Variants in VTA1 observed in about 807,000 individuals in gnomAD.
VTA1 encodes the protein vacuolar protein sorting-associated protein VTA1 homolog.
In VTA1, 24 loss-of-function variants were observed where a neutral mutation model predicts 36.9. The ratio of observed to expected loss-of-function variants is 0.65; its 90% CI spans 0.47 to 0.91. The LOEUF is 0.91. Among genes scored for constraint, VTA1 ranks in the 40% least tolerant of loss-of-function variants. The pLI is 0.00. For synonymous variants in VTA1, 142 were observed against 130.2 expected (o/e 1.09, Z -0.62); for missense variants, 393 against 377.2 (o/e 1.04, Z -0.35).
At chr6:142,191,687 T>G (rs1775459120) in intron 5 of VTA1, among the ~76,000 whole-genome samples, 1 of 152,086 alleles carries the variant, frequency 6.6e-6, no homozygotes, top group Admixed American at 6.5e-5. Context: ...CTGCATACTT[T>G]TTCAACTCAT....
chr6:142,212,850 A>G (rs1256662130), intron 7 of VTA1, among the ~76,000 whole-genome samples: 2 of 152,140 alleles, frequency 1.3e-5, no homozygotes, highest in African/African-American at 2.4e-5. Flanking sequence ...AACAAGGGGC[A>G]CATCAGCCCC....
chr6:142,192,395 G>T (rs1290212063), intron 5 of VTA1, among the ~76,000 whole-genome samples: 1 of 151,990 alleles, frequency 6.6e-6, no homozygotes, highest in Non-Finnish European at 1.5e-5. Flanking sequence ...CTTACAGTGG[G>T]TTTTTTGGGA....
intron 4 of VTA1, among the ~76,000 whole-genome samples, chr6:142,188,470 C>T (rs1775389469): frequency 6.6e-6 from 1 of 151,994 alleles, no homozygotes; most frequent in South Asian, 2.1e-4. Context: ...GCCTCAGCCT[C>T]CCAAAGTGGT....
chr6:142,187,086 G>C (rs545193591), intron 4 of VTA1, among the ~76,000 whole-genome samples: 1 of 152,162 alleles, frequency 6.6e-6, no homozygotes, highest in Non-Finnish European at 1.5e-5. Context: ...TGGCTTTTAT[G>C]TAACTTTTCC....
At chr6:142,153,085 T>C (rs1778597797) in intron 1 of VTA1, among the ~76,000 whole-genome samples, 1 of 152,140 alleles carries the variant, frequency 6.6e-6, no homozygotes, top group Non-Finnish European at 1.5e-5. Context: ...TCTTTCAATC[T>C]TGATTCTCCT....
chr6:142,204,291 A>G (rs73574240), intron 7 of VTA1, among the ~76,000 whole-genome samples: 130 of 152,258 alleles, frequency 8.5e-4, no homozygotes, highest in African/African-American at 2.8e-3. Context: ...CCCTTTTGTT[A>G]CAGTTCTTTT....
chr6:142,176,789 C>T (rs1474965212), intron 4 of VTA1, among the ~76,000 whole-genome samples: 1 of 152,150 alleles, frequency 6.6e-6, no homozygotes, highest in Non-Finnish European at 1.5e-5. Context: ...AACTCGTAAG[C>T]AGTTTTGCAG....
intron 7 of VTA1, among the ~76,000 whole-genome samples, chr6:142,217,056 A>C (rs747244809): frequency 3.9e-5 from 6 of 152,178 alleles, no homozygotes; most frequent in African/African-American, 1.2e-4. Flanking sequence ...TACCTGACTA[A>C]ATTGTCAACA....
chr6:142,203,860 A>G, intron 6 of VTA1, 125 bp from the exon 7 acceptor site: 1 of 714,740 alleles, frequency 1.4e-6, no homozygotes, highest in Non-Finnish European at 2.4e-6. Flanking sequence ...TCAAGTTAGA[A>G]TCCATTGATG....
intron 2 of VTA1, among the ~76,000 whole-genome samples, chr6:142,167,591 AT>A (rs1774944145): frequency 6.6e-6 from 1 of 152,226 alleles, no homozygotes; most frequent in Non-Finnish European, 1.5e-5. Context: ...AACAAGACTT[AT>A]GCGAAGACAG....
intron 4 of VTA1, among the ~76,000 whole-genome samples, chr6:142,175,415 C>T (rs777880312): frequency 6.6e-5 from 10 of 151,880 alleles, no homozygotes; most frequent in Non-Finnish European, 1.2e-4. Context: ...TGTTTTTAGC[C>T]GGCTTTGCCT....
In VTA1 at chr6:142,166,242, A is replaced by G. The variant is rs752875745; in HGVS notation, c.127A>G (p.Met43Val). 9.9e-6 allele frequency: 16 copies of G among 1,610,654 alleles called. No homozygotes were observed. Among genetic ancestry groups the G allele is most frequent in the African/African-American group, 2.7e-5 (2 of 74,874 alleles). ...VVAYYCRLYA[M>V]QTGMKIDSKT... ...TTTCTTTCTAGGTCGTTTATACGCA[A>G]TGCAGACTGGAATGAAGATCGATAG... is the stretch of plus-strand genomic sequence containing the variant. Residue 43 changes from methionine to valine, a missense_variant, in exon 2 of 8, where the codon ATG (methionine) becomes GTG (valine). By Grantham distance (21) the Met-to-Val change is conservative (BLOSUM62 1). Transcript: ENST00000367630.
rs200237982 is a variant in VTA1 at position 142,198,577 on chromosome 6, C to G, written c.659C>G (p.Ala220Gly). ...ATACAGATTCCTCCGGGTGCACACG[C>G]TCCAGCTAATACACCAGCAGAAGTG... ...TGIQIPPGAH[A>G]PANTPAEVPH... The change falls in exon 6 of 8, where the codon GCT becomes GGT. Residue 220 changes from alanine (A) to glycine (G), a missense_variant. Physicochemically the swap from Ala to Gly is moderately conservative, Grantham distance 60. Coordinates refer to ENST00000367630, the MANE Select transcript of VTA1 (RefSeq NM_016485.5). 1.9e-6 allele frequency: 3 copies of G among 1,613,496 alleles called. No homozygotes were observed. In the East Asian group the frequency reaches 6.7e-5, roughly 36 times the overall value.
intron 5 of VTA1, among the ~76,000 whole-genome samples, chr6:142,197,899 C>T (rs1418465757): frequency 3.3e-5 from 5 of 150,904 alleles, no homozygotes; most frequent in Non-Finnish European, 5.9e-5. Context: ...ACGGTGAAAC[C>T]CCGTCTCTAC....
chr6:142,189,685 A>C (rs1477918371), intron 5 of VTA1, 151 bp downstream of exon 5: 6 of 587,134 alleles, frequency 1.0e-5, no homozygotes, highest in Non-Finnish European at 1.7e-5. Flanking sequence ...ACTTAGGGAC[A>C]GTGAGAAATA....
At chr6:142,213,015 C>T (rs1346428271) in intron 7 of VTA1, among the ~76,000 whole-genome samples, 2 of 152,158 alleles carry the variant, frequency 1.3e-5, no homozygotes, top group Non-Finnish European at 2.9e-5. Context: ...CTCAATAGTC[C>T]ACCAGTCTTA....
rs1775378872 is a variant in VTA1 at position 142,188,074 on chromosome 6, A to T, written c.412-1352A>T. On this transcript the variant is annotated intron_variant, in intron 4 of 7. Transcript: ENST00000367630. ...AGGTGTGTGCCACCATGCCCGGCTAATTTTTTGTGTTTTTCATAGAGACGG... is the reference window on the plus strand; with the variant it reads ...AGGTGTGTGCCACCATGCCCGGCTATTTTTTTGTGTTTTTCATAGAGACGG... 4.0e-5 allele frequency among the ~76,000 whole-genome samples: 6 copies of T among 150,670 alleles called. No homozygotes were observed. The South Asian group carries it at 1.3e-3, about 32-fold the overall frequency.
rs767263779 is a variant in VTA1, at chr6:142,147,311, C to T, written c.24C>T (p.Pro8=). MAALAPL[P]PLPAQFKSIQ... ...AGATGGCCGCGCTTGCACCGCTGCC[C>T]CCGCTCCCCGCACAGTTCAAGAGCA... is the stretch of plus-strand genomic sequence containing the variant. The change falls in exon 1 of 8, where the codon CCC becomes CCT. Residue 8 remains proline, a synonymous_variant. Transcript: ENST00000367630. The T allele has an allele frequency of 1.1e-5, 17 of 1,614,168 alleles. No individual in the cohort carries two copies. The highest frequency in any genetic ancestry group is 5.0e-5 in the Admixed American group (3 of 60,034).
In VTA1 at chr6:142,224,080, G is replaced by A. The variant is rs570853436; in HGVS notation, c.*5437G>A. ...TCTGTGTTCAGAGGCAGGTCCCATA[G>A]GGAGGCAATTAAGGTTACATGAGAT... On this transcript the variant is annotated 3_prime_UTR_variant, in exon 8 of 8. Coordinates refer to ENST00000367630, the MANE Select transcript of VTA1 (RefSeq NM_016485.5). 2.6e-5 allele frequency: 4 copies of A among 152,288 alleles called. No individual in the cohort carries two copies. The South Asian group carries it at 8.3e-4, about 32-fold the overall frequency. 9.4% of individuals were successfully genotyped at this position (152,288 alleles called of 1,614,324 possible). A position where few individuals can be genotyped will look rare whatever the true frequency, so the allele number is the denominator to read the frequency against.
Sources: gnomAD v4.1 joint callset for allele counts (sites outside exome capture counted in the v4.1 genomes callset) on GRCh38, gnomAD v4.1.1 for gene constraint, MANE v1.5 for transcripts, NCBI Gene and HGNC (gene_info 2026-07-23, HGNC 2026-07-21) for gene names.